The following DLG2 variants were observed in gnomAD, a reference collection of about 807,000 sequenced individuals.
DLG2 encodes disks large homolog 2.
Under a neutral mutation model 132.5 loss-of-function variants are expected in DLG2, and 45 were observed. That is an observed-to-expected ratio of 0.34 (90% confidence interval 0.27 to 0.44). The LOEUF is 0.44. Ranked by LOEUF, DLG2 falls within the 20% of genes least tolerant of loss-of-function variation. The pLI is 1.00. For missense variants in DLG2, 1,045 were observed against 1,196.9 expected, an observed-to-expected ratio of 0.87 and a Z score of 1.87; for synonymous variants, 424 against 419.6, an observed-to-expected ratio of 1.01 and a Z score of -0.13.
intron 22 of DLG2, chr11:83,480,552 AAC>A: frequency 6.5e-7 from 1 of 1,536,274 alleles, no homozygotes; most frequent in African/African-American, 1.4e-5. Flanking sequence ...GCATTAAGAA[AAC>A]TCAGATAAGA....
chr11:85,506,308 A>G (rs1598062159), intron 3 of DLG2, among the ~76,000 whole-genome samples: 2 of 148,138 alleles, frequency 1.4e-5, no homozygotes, highest in African/African-American at 4.9e-5. Flanking sequence ...TTGTGGTGTT[A>G]GGGTTTCAAT....
At chr11:85,270,814 G>A (rs915905106) in intron 4 of DLG2, among the ~76,000 whole-genome samples, 1 of 152,088 alleles carries the variant, frequency 6.6e-6, no homozygotes, top group Non-Finnish European at 1.5e-5. Flanking sequence ...GATGATTTAG[G>A]GCATCTGGCA....
chr11:84,310,119 C>G (rs2098271886), intron 7 of DLG2, among the ~76,000 whole-genome samples: 1 of 152,116 alleles, frequency 6.6e-6, no homozygotes, highest in Non-Finnish European at 1.5e-5. Flanking sequence ...CCAGTACTCC[C>G]AACCATGTAG....
chr11:83,734,412 C>T (rs1328338509), intron 18 of DLG2, among the ~76,000 whole-genome samples: 13 of 145,680 alleles, frequency 8.9e-5, no homozygotes, highest in Non-Finnish European at 2.0e-4. Context: ...TCCTTCCCTC[C>T]CTCCTTCCCT....
chr11:83,693,700 A>G (rs1232947517), intron 18 of DLG2: 2 of 152,208 alleles, frequency 1.3e-5, no homozygotes, highest in East Asian at 1.9e-4. Context: ...GAATAATGCC[A>G]AAGTATTTGA....
chr11:85,523,479 A>G (rs1218646499), intron 3 of DLG2, among the ~76,000 whole-genome samples: 1 of 152,228 alleles, frequency 6.6e-6, no homozygotes, highest in Non-Finnish European at 1.5e-5. Context: ...GTACATGAAA[A>G]GGTACTCAAC....
chr11:85,585,910 G>C (rs117732599), intron 3 of DLG2, among the ~76,000 whole-genome samples: 6,787 of 152,136 alleles, frequency 0.045, 192 homozygotes, highest in East Asian at 0.088. Flanking sequence ...TGTAGTGACA[G>C]GGTTTTGCCA....
intron 6 of DLG2, among the ~76,000 whole-genome samples, chr11:84,763,655 A>G (rs1597553144): frequency 1.3e-5 from 2 of 152,098 alleles, no homozygotes; most frequent in Admixed American, 1.3e-4. Context: ...ACTTACCCCA[A>G]CTTCTCAATT....
At chr11:83,714,592 T>C (rs917160494) in intron 18 of DLG2, among the ~76,000 whole-genome samples, 10 of 152,316 alleles carry the variant, frequency 6.6e-5, no homozygotes, top group Admixed American at 6.5e-4. Context: ...TCTCTAACAT[T>C]AACATGTGCT....
At chr11:85,492,135 T>C (rs2093574452) in intron 3 of DLG2, among the ~76,000 whole-genome samples, 1 of 152,154 alleles carries the variant, frequency 6.6e-6, no homozygotes, top group Non-Finnish European at 1.5e-5. Context: ...CAAAAAAAGA[T>C]AACTATATGA....
intron 6 of DLG2, among the ~76,000 whole-genome samples, chr11:84,904,910 T>C (rs1410463408): frequency 6.6e-6 from 1 of 152,190 alleles, no homozygotes; most frequent in Non-Finnish European, 1.5e-5. Flanking sequence ...TAAAGCCAAC[T>C]GGCTTGACCT....
At chr11:83,720,737 C>T (rs1406707377) in intron 18 of DLG2, 1 of 125,822 alleles carries the variant, frequency 7.9e-6, no homozygotes, top group East Asian at 2.1e-4. Context: ...TTCAGCCCTC[C>T]CTTTTTTTTT....
At chr11:84,496,764 C>T (rs549319390) in intron 7 of DLG2, among the ~76,000 whole-genome samples, 59 of 152,098 alleles carry the variant, frequency 3.9e-4, no homozygotes, top group African/African-American at 1.3e-3. Flanking sequence ...TGTTTCCTCA[C>T]GGTTCACGGT....
intron 7 of DLG2, among the ~76,000 whole-genome samples, chr11:84,533,227 T>C (rs1349660145): frequency 6.6e-6 from 1 of 152,228 alleles, no homozygotes; most frequent in Non-Finnish European, 1.5e-5. Flanking sequence ...TCCTGTCAGT[T>C]ATGCACAGTG....
At chr11:85,572,374 G>A (rs778134692) in intron 3 of DLG2, among the ~76,000 whole-genome samples, 2 of 152,176 alleles carry the variant, frequency 1.3e-5, no homozygotes, top group Non-Finnish European at 2.9e-5. Flanking sequence ...CCTTGCAGAT[G>A]GCACTCAATG....
chr11:85,527,253 T>G (rs1386602099), intron 3 of DLG2, among the ~76,000 whole-genome samples: 4 of 151,880 alleles, frequency 2.6e-5, no homozygotes, highest in African/African-American at 7.3e-5. Flanking sequence ...TAGATATACA[T>G]ATGCTATAGT....
chr11:84,602,117 A>ACAC (rs2099577643), intron 6 of DLG2, among the ~76,000 whole-genome samples: 1 of 152,046 alleles, frequency 6.6e-6, no homozygotes, highest in African/African-American at 2.4e-5. Flanking sequence ...TCTGTGCTGG[A>ACAC]CACTGGGAAT....
intron 3 of DLG2, among the ~76,000 whole-genome samples, chr11:85,492,456 A>G (rs1002043493): frequency 6.6e-6 from 1 of 152,318 alleles, no homozygotes; most frequent in East Asian, 1.9e-4. Context: ...ACTGCAGTGT[A>G]AACTTTCACA....
intron 11 of DLG2, among the ~76,000 whole-genome samples, chr11:84,038,225 A>C (rs1451135994): frequency 1.3e-5 from 2 of 152,100 alleles, no homozygotes; most frequent in Non-Finnish European, 2.9e-5. Context: ...ACAGAATGAG[A>C]GAAAATTCTC....
Sources: gnomAD v4.1 joint callset for allele counts (sites outside exome capture counted in the v4.1 genomes callset) on GRCh38, gnomAD v4.1.1 for gene constraint, MANE v1.5 for transcripts, NCBI Gene and HGNC (gene_info 2026-07-23, HGNC 2026-07-21) for gene names.